The following DAP variants were observed in gnomAD, a reference collection of about 807,000 sequenced individuals.
DAP encodes death-associated protein 1.
DAP carries 8 observed loss-of-function variants against 13.8 expected under a neutral mutation model. That is an observed-to-expected ratio of 0.58 (90% CI 0.34 to 1.05). The LOEUF (loss-of-function observed/expected upper bound fraction) is 1.05, where lower values mean the gene tolerates loss of function less well. Among genes scored for constraint, DAP ranks in the 50% least tolerant of loss-of-function variants. The probability of loss-of-function intolerance (pLI) is 0.03; values close to 1 mark genes in which losing one functional copy is unlikely to be tolerated. For missense variants in DAP, 106 were observed against 133.2 expected (o/e 0.80, Z 1.01); for synonymous variants, 47 against 47.5 (o/e 0.99, Z 0.04).
intron 2 of DAP, among the ~76,000 whole-genome samples, chr5:10,742,024 AC>A (rs772987047): frequency 6.6e-6 from 1 of 152,174 alleles, no homozygotes; most frequent in Non-Finnish European, 1.5e-5. Context: ...TTTTCCTCAA[AC>A]TTTTACCCAT....
At chr5:10,713,727 C>T (rs1265091101) in intron 2 of DAP, among the ~76,000 whole-genome samples, 1 of 152,302 alleles carries the variant, frequency 6.6e-6, no homozygotes, top group South Asian at 2.1e-4. Context: ...CCAGCAGGCA[C>T]GCCTGGTGTG....
At chr5:10,714,230 C>G (rs1738925261) in intron 2 of DAP, among the ~76,000 whole-genome samples, 1 of 152,238 alleles carries the variant, frequency 6.6e-6, no homozygotes, top group Non-Finnish European at 1.5e-5. Flanking sequence ...CAGCCAACCC[C>G]ACATCTTTAT....
At position 10,693,124 on chromosome 5, in the gene DAP, G is replaced by GCACACACACACA. The variant is rs10596228; in HGVS notation, c.153-9565_153-9554dup. On this transcript the variant is annotated intron_variant, in intron 2 of 3. Transcript: ENST00000230895. ...CTGGGATGGGGAGAAACATGCACAC[G>GCACACACACACA]CACACACACACACACACACACACAC... Among the ~76,000 whole-genome samples the GCACACACACACA allele has an allele frequency of 4.0e-3, 590 of 148,968 alleles. 5 individuals are homozygous for GCACACACACACA. Among genetic ancestry groups the GCACACACACACA allele is most frequent in the African/African-American group, 0.013 (548 of 40,642 alleles).
chr5:10,717,413 T>C (rs995384527), intron 2 of DAP, among the ~76,000 whole-genome samples: 31 of 152,150 alleles, frequency 2.0e-4, no homozygotes, highest in Admixed American at 2.0e-3. Flanking sequence ...CCCTGCAACT[T>C]GGAATGGGGA....
chr5:10,730,313 G>T (rs925677353), intron 2 of DAP, among the ~76,000 whole-genome samples: 3 of 152,228 alleles, frequency 2.0e-5, no homozygotes, highest in African/African-American at 7.2e-5. Context: ...AGATGTGCGT[G>T]CCAGGGAAAA....
intron 2 of DAP, among the ~76,000 whole-genome samples, chr5:10,684,208 C>T (rs186447618): frequency 5.3e-5 from 8 of 152,332 alleles, no homozygotes; most frequent in African/African-American, 9.6e-5. Context: ...GAAACAGGCG[C>T]TTCCCTAAAG....
chr5:10,719,190 G>A (rs1442599162), intron 2 of DAP, among the ~76,000 whole-genome samples: 2 of 152,220 alleles, frequency 1.3e-5, no homozygotes, highest in Non-Finnish European at 2.9e-5. Context: ...TGCCTAGGGG[G>A]CCTATTTGGA....
At position 10,679,457 on chromosome 5, in the gene DAP, C is replaced by A. The variant is rs541460696; in HGVS notation, c.*1599G>T. 2 of 152,378 alleles carry A rather than the reference C, an allele frequency of 1.3e-5. No homozygotes were observed. Among genetic ancestry groups the A allele is most frequent in the Non-Finnish European group, 2.9e-5 (2 of 68,044 alleles). The allele number at this position is 152,378 out of a possible 1,614,324, so 9.4% of individuals were successfully genotyped here. A position where few individuals can be genotyped will look rare whatever the true frequency, so the allele number is the denominator to read the frequency against. On this transcript the variant is annotated 3_prime_UTR_variant, in exon 4 of 4. Coordinates refer to ENST00000230895, the MANE Select transcript of DAP (RefSeq NM_004394.3). ...CTTCTGGATTTCTGCAGCGGCAGGG[C>A]AGGGGTCTGCACAGGCCTGACCTGG...
chr5:10,726,211 T>A (rs541466244), intron 2 of DAP, among the ~76,000 whole-genome samples: 1 of 152,366 alleles, frequency 6.6e-6, no homozygotes, highest in Non-Finnish European at 1.5e-5. Flanking sequence ...CTTATAAATA[T>A]GGTGGCCAAT....
intron 1 of DAP, among the ~76,000 whole-genome samples, chr5:10,760,106 A>G (rs533043950): frequency 6.6e-6 from 1 of 152,292 alleles, no homozygotes; most frequent in South Asian, 2.1e-4. Context: ...AAAAGAAGCC[A>G]TGTTTCTCAA....
chr5:10,754,022 A>G (rs1740113402), intron 1 of DAP, among the ~76,000 whole-genome samples: 1 of 152,228 alleles, frequency 6.6e-6, no homozygotes, highest in South Asian at 2.1e-4. Context: ...TGGTGAGATT[A>G]GGTGGGTAGA....
intron 2 of DAP, among the ~76,000 whole-genome samples, chr5:10,723,081 C>CAGAT (rs1369972365): frequency 2.0e-5 from 3 of 152,178 alleles, no homozygotes; most frequent in African/African-American, 7.2e-5. Flanking sequence ...GAAATATAGA[C>CAGAT]AGATATGCCT....
chr5:10,688,350 GATC>G (rs1553998758), intron 2 of DAP, among the ~76,000 whole-genome samples: 1 of 152,160 alleles, frequency 6.6e-6, no homozygotes, highest in Non-Finnish European at 1.5e-5. Context: ...AGGCTCAGAT[GATC>G]ATTAGCATAC....
chr5:10,718,240 T>C (rs1739045795), intron 2 of DAP, among the ~76,000 whole-genome samples: 1 of 152,216 alleles, frequency 6.6e-6, no homozygotes, highest in South Asian at 2.1e-4. Context: ...AAGTAGGGGC[T>C]TATGAAGGTC....
At chr5:10,727,193 C>T (rs1291764719) in intron 2 of DAP, among the ~76,000 whole-genome samples, 1 of 152,202 alleles carries the variant, frequency 6.6e-6, no homozygotes, top group African/African-American at 2.4e-5. Flanking sequence ...GGAACTGTCT[C>T]TCAATGTGCC....
At position 10,679,660 on chromosome 5, in the gene DAP, G is replaced by A. The variant is rs5745302; in HGVS notation, c.*1396C>T. 6.4e-3 allele frequency: 977 copies of A among 152,502 alleles called. 8 individuals carry two copies. The highest frequency in any genetic ancestry group is 9.6e-3 in the Non-Finnish European group (656 of 68,076). The allele number at this position is 152,502 out of a possible 1,614,324, so 9.4% of individuals were successfully genotyped here. On this transcript the variant is annotated 3_prime_UTR_variant, in exon 4 of 4. Coordinates refer to ENST00000230895, the MANE Select transcript of DAP (RefSeq NM_004394.3). ...GACAGGGCCTTGAAGGGTACATGCC[G>A]GCTTCCCTTAAGTTGATTAGATGGG...
At chr5:10,694,606 T>G (rs1738388904) in intron 2 of DAP, among the ~76,000 whole-genome samples, 1 of 152,186 alleles carries the variant, frequency 6.6e-6, no homozygotes, top group Non-Finnish European at 1.5e-5. Context: ...GAAGAGGCCC[T>G]TGGGCCTCAC....
rs1199778469 is a variant in DAP at position 10,681,923 on chromosome 5, C to A, written c.196-754G>T. 1.0e-4 allele frequency among the ~76,000 whole-genome samples: 11 copies of A among 109,264 alleles called. No individual in the cohort carries two copies. The East Asian group carries it at 2.0e-3, about 20-fold the overall frequency. The allele number at this position is 109,264 out of a possible 152,430, so 71.7% of individuals were successfully genotyped here. ...ACCAGCATCCCTGCAGGAAGCATGG[C>A]GGTTGTATATGAGGAAGCTCCAGGC... is the stretch of plus-strand genomic sequence containing the variant. On this transcript the variant is annotated intron_variant, in intron 3 of 3. Transcript: ENST00000230895.
At chr5:10,717,538 C>T (rs889415374) in intron 2 of DAP, among the ~76,000 whole-genome samples, 1 of 152,198 alleles carries the variant, frequency 6.6e-6, no homozygotes, top group African/African-American at 2.4e-5. Context: ...CTTCCCGACC[C>T]ATGCTGCCAC....
Sources: allele counts gnomAD v4.1 joint callset (sites outside exome capture counted in the v4.1 genomes callset), GRCh38; gene constraint gnomAD v4.1.1; transcripts MANE v1.5; gene names NCBI Gene and HGNC (gene_info 2026-07-23, HGNC 2026-07-21).